The following HEPHL1 variants were observed in gnomAD, a reference collection of about 807,000 sequenced individuals.
HEPHL1 encodes hephaestin like 1.
HEPHL1 carries 123 observed loss-of-function variants against 122.0 expected under a neutral mutation model. The ratio of observed to expected loss-of-function variants is 1.01; its 90% CI spans 0.87 to 1.17. The LOEUF (loss-of-function observed/expected upper bound fraction) is 1.17, where lower values mean the gene tolerates loss of function less well. Ranked by LOEUF, HEPHL1 falls within the 50% of genes most tolerant of loss-of-function variation. The probability of loss-of-function intolerance (pLI) is 0.00; values close to 1 mark genes in which losing one functional copy is unlikely to be tolerated. For missense variants in HEPHL1, 1,452 were observed against 1,430.5 expected, an observed-to-expected ratio of 1.01 and a Z score of -0.24; for synonymous variants, 527 against 508.9, an observed-to-expected ratio of 1.04 and a Z score of -0.48.
intron 1 of HEPHL1, 109 bp downstream of exon 1, chr11:94,021,647 A>G: frequency 1.2e-6 from 1 of 842,618 alleles, no homozygotes; most frequent in Non-Finnish European, 1.9e-6. Flanking sequence ...GTTGATCTAG[A>G]CCAAGAGAAG....
chr11:94,025,563 C>T lies in HEPHL1; in HGVS notation c.170+4025C>T, dbSNP rs144783058. Among the ~76,000 whole-genome samples the T allele has an allele frequency of 3.0e-3, 451 of 152,224 alleles. 1 individual carries two copies. Among genetic ancestry groups the T allele is most frequent in the African/African-American group, 9.9e-3 (411 of 41,534 alleles). On this transcript the variant is annotated intron_variant, in intron 1 of 19. Coordinates refer to ENST00000315765, the MANE Select transcript of HEPHL1 (RefSeq NM_001098672.2). ...GGACGCTAACTCATGGGTGGAACTGCGCTTGAACATAAGTGAGGCTAGCCA... is the reference window on the plus strand; with the variant it reads ...GGACGCTAACTCATGGGTGGAACTGTGCTTGAACATAAGTGAGGCTAGCCA...
At chr11:94,037,413 G>A (rs563241137) in intron 1 of HEPHL1, among the ~76,000 whole-genome samples, 255 of 152,170 alleles carry the variant, frequency 1.7e-3, no homozygotes, top group Admixed American at 6.3e-3. Context: ...ACCTCTGGGG[G>A]CAGGGCACAG....
At chr11:94,059,196 C>CT (rs1945963860) in intron 2 of HEPHL1, among the ~76,000 whole-genome samples, 2 of 152,036 alleles carry the variant, frequency 1.3e-5, no homozygotes, top group African/African-American at 4.8e-5. Flanking sequence ...TCACTTTTTA[C>CT]TTTGTCTTGG....
intron 13 of HEPHL1, among the ~76,000 whole-genome samples, chr11:94,098,381 C>T (rs1272410332): frequency 4.6e-5 from 7 of 152,200 alleles, no homozygotes; most frequent in Non-Finnish European, 7.3e-5. Flanking sequence ...CTGAGAGATC[C>T]GCTGTTAGTC....
At chr11:94,030,460 C>T (rs1455913183) in intron 1 of HEPHL1, among the ~76,000 whole-genome samples, 1 of 152,060 alleles carries the variant, frequency 6.6e-6, no homozygotes, top group Non-Finnish European at 1.5e-5. Flanking sequence ...ATCTGGGTCC[C>T]AGGTTCCTTT....
intron 1 of HEPHL1, among the ~76,000 whole-genome samples, chr11:94,028,848 A>G (rs994142264): frequency 2.0e-5 from 3 of 152,216 alleles, no homozygotes; most frequent in Admixed American, 1.3e-4. Flanking sequence ...TTTGCATTTT[A>G]TAGAACTCAA....
intron 13 of HEPHL1, among the ~76,000 whole-genome samples, chr11:94,096,873 AT>A (rs1946320629): frequency 6.6e-6 from 1 of 152,062 alleles, no homozygotes; most frequent in Admixed American, 6.5e-5. Context: ...TATCCCCTTT[AT>A]CATTTTTTAT....
rs759206147 is a variant in HEPHL1, at chr11:94,086,061, G to GCACTGA, written c.1961_1966dup (p.Thr654_Asp655dup). The GCACTGA allele has an allele frequency of 6.2e-7, 1 of 1,613,732 alleles. No homozygotes were observed. The highest frequency in any genetic ancestry group is 8.5e-7 in the Non-Finnish European group (1 of 1,179,786). ...GTTTCCTGGCATCTGATTGGATTGG[G>GCACTGA]CACTGACACTGACATGCATGGAATT... On this transcript the variant is annotated inframe_insertion, in exon 11 of 20. Coordinates refer to ENST00000315765, the MANE Select transcript of HEPHL1 (RefSeq NM_001098672.2).
At chr11:94,072,779 G>A (rs1946086506) in intron 6 of HEPHL1, among the ~76,000 whole-genome samples, 1 of 152,074 alleles carries the variant, frequency 6.6e-6, no homozygotes, top group Non-Finnish European at 1.5e-5. Context: ...CTTGTGACTG[G>A]TTCAGTGCTG....
At chr11:94,021,566 T>C in intron 1 of HEPHL1, 28 bp downstream of exon 1, 1 of 1,557,718 alleles carries the variant, frequency 6.4e-7, no homozygotes. Flanking sequence ...CCTCATTGAC[T>C]CCCAGGTTTG....
chr11:94,067,725 C>A lies in HEPHL1; in HGVS notation c.1038C>A (p.Thr346=). ...IAENPGKWMI[T]CQVSDHLQAG... Reference sequence around the variant, plus strand: ...AGAATCCTGGGAAGTGGATGATAACCTGCCAGGTCAGCGACCACCTACAAG... The same window carrying A: ...AGAATCCTGGGAAGTGGATGATAACATGCCAGGTCAGCGACCACCTACAAG... Residue 346 remains threonine (T), a synonymous_variant, in exon 5 of 20, where the codon ACC becomes ACA. Coordinates refer to ENST00000315765, the MANE Select transcript of HEPHL1 (RefSeq NM_001098672.2). 1 of 1,613,506 alleles carries A rather than the reference C, an allele frequency of 6.2e-7. No individual in the cohort carries two copies. Among genetic ancestry groups the A allele is most frequent in the Non-Finnish European group, 8.5e-7 (1 of 1,179,682 alleles).
chr11:94,025,202 C>T (rs575506197), intron 1 of HEPHL1, among the ~76,000 whole-genome samples: 1 of 152,216 alleles, frequency 6.6e-6, no homozygotes, highest in South Asian at 2.1e-4. Context: ...TCTATAATCA[C>T]TAATGTTTCC....
Position 94,049,238 on chromosome 11 carries a change from G to A in HEPHL1, c.415+3321G>A, listed in dbSNP as rs554729190. On this transcript the variant is annotated intron_variant, in intron 2 of 19. Coordinates refer to ENST00000315765, the MANE Select transcript of HEPHL1 (RefSeq NM_001098672.2). ...AAAATGCTCAACATCACTAATCATT[G>A]GGGAAATGCAAATCAGAACTACAAT... is the stretch of plus-strand genomic sequence containing the variant. 3.4e-4 allele frequency among the ~76,000 whole-genome samples: 52 copies of A among 152,098 alleles called. 2 individuals are homozygous for A. The highest frequency in any genetic ancestry group is 3.2e-3 in the Admixed American group (49 of 15,278).
intron 13 of HEPHL1, among the ~76,000 whole-genome samples, chr11:94,094,652 C>T (rs1170016034): frequency 1.3e-5 from 2 of 152,224 alleles, no homozygotes; most frequent in Non-Finnish European, 2.9e-5. Flanking sequence ...ACATCCTCTC[C>T]AGCACCTGTT....
At chr11:94,039,516 A>G (rs1320853569) in intron 1 of HEPHL1, among the ~76,000 whole-genome samples, 3 of 150,896 alleles carry the variant, frequency 2.0e-5, no homozygotes, top group East Asian at 3.9e-4. Flanking sequence ...ATTATAACAA[A>G]CTATCTCTCA....
At chr11:94,085,299 G>A (rs56214337) in intron 10 of HEPHL1, among the ~76,000 whole-genome samples, 1,864 of 152,266 alleles carry the variant, frequency 0.012, 27 homozygotes, top group African/African-American at 0.042. Context: ...AGCACAGAGG[G>A]TCTTCATATC....
At chr11:94,037,597 C>A (rs557070134) in intron 1 of HEPHL1, among the ~76,000 whole-genome samples, 6 of 152,310 alleles carry the variant, frequency 3.9e-5, no homozygotes, top group South Asian at 4.1e-4. Flanking sequence ...AGGCACCCCC[C>A]CAACAGGGGC....
chr11:94,094,333 A>AT (rs1946292007), intron 13 of HEPHL1, among the ~76,000 whole-genome samples: 1 of 151,638 alleles, frequency 6.6e-6, no homozygotes, highest in South Asian at 2.1e-4. Flanking sequence ...TGAACTCATC[A>AT]TTTTTTATGG....
intron 1 of HEPHL1, among the ~76,000 whole-genome samples, chr11:94,037,301 C>G (rs999492669): frequency 6.6e-6 from 1 of 151,830 alleles, no homozygotes; most frequent in African/African-American, 2.4e-5. Context: ...GAGGGGCGCC[C>G]GCCATTGCCC....
Sources: gnomAD v4.1 joint callset for allele counts (sites outside exome capture counted in the v4.1 genomes callset) on GRCh38, gnomAD v4.1.1 for gene constraint, MANE v1.5 for transcripts, NCBI Gene and HGNC (gene_info 2026-07-23, HGNC 2026-07-21) for gene names.